The following ZIM2 variants were observed in gnomAD, a reference collection of about 807,000 sequenced individuals.
ZIM2 encodes zinc finger protein 656.
In ZIM2, 14 loss-of-function variants were observed where a neutral mutation model predicts 38.6. That is an observed-to-expected ratio of 0.36 (90% CI 0.24 to 0.57). The LOEUF is 0.57. ZIM2 is among the 20% of genes least tolerant of loss of function. ZIM2 has a pLI of 0.81. For missense variants in ZIM2, 680 were observed against 695.1 expected, an observed-to-expected ratio of 0.98 and a Z score of 0.24; for synonymous variants, 247 against 245.8, an observed-to-expected ratio of 1.00 and a Z score of -0.04.
chr19:56,789,926 AG>A lies in ZIM2; in HGVS notation c.515del (p.Pro172LeufsTer10), dbSNP rs1166694811. The stretch of plus-strand genomic sequence containing the variant: ...ACATCTCTGTGTTCCTCTTTTCTGC[AG>A]GGACAGAGTCCTGAGCAAGGAAACC... ...SRGFLAQDSV[P>X]AEKRNTEMLD... On this transcript the variant is annotated frameshift_variant, in exon 10 of 13. Coordinates refer to ENST00000629319, the MANE Select transcript of ZIM2 (RefSeq NM_001387356.1). LOFTEE classifies it high-confidence loss of function. 4 of 1,578,694 alleles carry A rather than the reference AG, an allele frequency of 2.5e-6. No homozygotes were observed. The Admixed American group carries it at 5.1e-5, about 20-fold the overall frequency.
At chr19:56,775,564 A>T in intron 12 of ZIM2, 35 bp from the exon 13 acceptor site, 3 of 1,559,246 alleles carry the variant, frequency 1.9e-6, no homozygotes, top group Non-Finnish European at 2.6e-6. Context: ...CCTACCGCCC[A>T]ATTATCCAAT....
At chr19:56,782,603 G>T in intron 10 of ZIM2, 2 of 331,772 alleles carry the variant, frequency 6.0e-6, no homozygotes, top group South Asian at 5.0e-5. Flanking sequence ...AAGTAATTGA[G>T]TGAAAATTAA....
intron 9 of ZIM2, among the ~76,000 whole-genome samples, chr19:56,791,823 C>T (rs146178763): frequency 6.6e-6 from 1 of 152,130 alleles, no homozygotes; most frequent in Non-Finnish European, 1.5e-5. Context: ...TAGCTCTAAT[C>T]TAATAACTTG....
chr19:56,815,818 A>C, intron 9 of ZIM2: 1 of 1,613,526 alleles, frequency 6.2e-7, no homozygotes, highest in Non-Finnish European at 8.5e-7. Flanking sequence ...TCTGGCAGGA[A>C]TCTTCTGTCG....
chr19:56,821,732 G>C lies in ZIM2; in HGVS notation c.213C>G (p.Ser71=), dbSNP rs1397574941. 6.2e-7 allele frequency: 1 copy of C among 1,614,044 alleles called. No individual in the cohort carries two copies. Among genetic ancestry groups the C allele is most frequent in the Admixed American group, 1.7e-5 (1 of 60,028 alleles). The change falls in exon 7 of 13, where the codon TCC becomes TCG. Residue 71 remains serine (S), a synonymous_variant. Coordinates refer to ENST00000629319, the MANE Select transcript of ZIM2 (RefSeq NM_001387356.1). ...PRSRMPPRDL[S]LPVVAKTSFE... is the part of the protein sequence containing the mutation. ...AGCTTGTTTTCGCCACCACAGGAAG[G>C]GAAAGATCCCGCGGAGGCATCCCTG...
intron 3 of ZIM2, among the ~76,000 whole-genome samples, chr19:56,825,741 G>A (rs2146394760): frequency 6.6e-6 from 1 of 151,986 alleles, no homozygotes; most frequent in East Asian, 1.9e-4. Context: ...TTTACTTCCA[G>A]AGAAGAAAAA....
At chr19:56,826,338 A>T (rs1030951346) in intron 3 of ZIM2, 50 bp downstream of exon 3, 9 of 152,330 alleles carry the variant, frequency 5.9e-5, no homozygotes, top group African/African-American at 2.2e-4. Context: ...ACCTGAAATG[A>T]TACTAGCCCT....
intron 9 of ZIM2, among the ~76,000 whole-genome samples, chr19:56,807,511 C>CA (rs1036368852): frequency 5.9e-5 from 9 of 152,118 alleles, no homozygotes; most frequent in East Asian, 5.8e-4. Flanking sequence ...GCAACAACAA[C>CA]AAAAAAACAT....
chr19:56,821,066 C>T (rs1466264809), intron 7 of ZIM2, among the ~76,000 whole-genome samples: 1 of 152,252 alleles, frequency 6.6e-6, no homozygotes, highest in Admixed American at 6.5e-5. Flanking sequence ...CCACAACTGC[C>T]ATAATTGTTA....
At chr19:56,839,420 G>A (rs1021386256) in intron 1 of ZIM2, among the ~76,000 whole-genome samples, 2 of 151,268 alleles carry the variant, frequency 1.3e-5, no homozygotes, top group African/African-American at 2.4e-5. Context: ...GCGTCCAAGC[G>A]GGCAGGGCCT....
At chr19:56,786,438 C>A (rs143542999) in intron 10 of ZIM2, among the ~76,000 whole-genome samples, 1 of 152,098 alleles carries the variant, frequency 6.6e-6, no homozygotes, top group South Asian at 2.1e-4. Flanking sequence ...GATGACACTA[C>A]CAGAATCATT....
At chr19:56,836,824 T>G (rs1464319387) in intron 1 of ZIM2, among the ~76,000 whole-genome samples, 1 of 151,826 alleles carries the variant, frequency 6.6e-6, no homozygotes, top group South Asian at 2.1e-4. Context: ...TAAAATTAGA[T>G]GGGCATGGTG....
intron 2 of ZIM2, among the ~76,000 whole-genome samples, chr19:56,831,436 A>G (rs961652681): frequency 4.6e-5 from 7 of 152,212 alleles, no homozygotes; most frequent in Non-Finnish European, 7.3e-5. Context: ...TCAAGCATGC[A>G]TTTCTAGAAT....
In ZIM2 at chr19:56,779,491, G is replaced by A; in HGVS notation, c.740-19C>T. 1.2e-6 allele frequency: 2 copies of A among 1,612,566 alleles called. No homozygotes were observed. The highest frequency in any genetic ancestry group is 1.7e-6 in the Non-Finnish European group (2 of 1,179,090). On this transcript the variant is annotated intron_variant, in intron 11 of 12. Coordinates refer to ENST00000629319, the MANE Select transcript of ZIM2 (RefSeq NM_001387356.1). ...TGGTGCCCTGTTGGAGAGGAAGACT[G>A]AGAACTCAGGGTTTCAGTAACTCCC...
intron 9 of ZIM2, among the ~76,000 whole-genome samples, chr19:56,806,617 T>C (rs551282021): frequency 3.9e-5 from 6 of 152,294 alleles, no homozygotes; most frequent in East Asian, 1.9e-4. Context: ...TTGGGAGATA[T>C]ATTGTTACTG....
chr19:56,824,640 G>A (rs375866024), intron 3 of ZIM2: 4 of 1,596,842 alleles, frequency 2.5e-6, no homozygotes, highest in Non-Finnish European at 3.4e-6. Flanking sequence ...GCAGACAAGT[G>A]CTTTGGAGGC....
At position 56,795,940 on chromosome 19, in the gene ZIM2, A is replaced by G. The variant is rs550512839; in HGVS notation, c.491-5989T>C. ...TAGAACTTGAGGATAAGTGGTAAAA[A>G]TAAAAAATAACAAACTAATTTCAAA... On this transcript the variant is annotated intron_variant, in intron 9 of 12. Transcript: ENST00000629319. 5.0e-4 allele frequency among the ~76,000 whole-genome samples: 76 copies of G among 152,366 alleles called. No individual in the cohort carries two copies. The South Asian group carries it at 6.6e-3, about 13-fold the overall frequency.
intron 5 of ZIM2, 139 bp downstream of exon 5, chr19:56,823,451 C>T: frequency 4.8e-6 from 4 of 831,084 alleles, no homozygotes; most frequent in South Asian, 1.7e-5. Context: ...ATTAATTTAC[C>T]CTCTCCTCAG....
chr19:56,822,160 C>A (rs1435791355), intron 6 of ZIM2, among the ~76,000 whole-genome samples: 1 of 152,220 alleles, frequency 6.6e-6, no homozygotes, highest in Admixed American at 6.5e-5. Flanking sequence ...GTGTTGTGAA[C>A]CGTCACTAAA....
Sources: allele counts gnomAD v4.1 joint callset (sites outside exome capture counted in the v4.1 genomes callset), GRCh38; gene constraint gnomAD v4.1.1; transcripts MANE v1.5; gene names NCBI Gene and HGNC (gene_info 2026-07-23, HGNC 2026-07-21).